The following FGF14 variants were observed in gnomAD, a reference collection of about 807,000 sequenced individuals.
FGF14 encodes the protein fibroblast growth factor homologous factor 4.
Under a neutral mutation model 25.5 loss-of-function variants are expected in FGF14, and 5 were observed. That is an observed-to-expected ratio of 0.20 (90% CI 0.10 to 0.41). The LOEUF (loss-of-function observed/expected upper bound fraction) is 0.41, where lower values mean the gene tolerates loss of function less well. FGF14 is among the 10% of genes least tolerant of loss of function. The pLI, the probability that FGF14 is intolerant of heterozygous loss-of-function variation, is 1.00. For synonymous variants in FGF14, 138 were observed against 118.3 expected, an observed-to-expected ratio of 1.17 and a Z score of -1.08; for missense variants, 222 against 320.1, an observed-to-expected ratio of 0.69 and a Z score of 2.34.
chr13:101,900,879 C>T (rs956619502), intron 1 of FGF14, among the ~76,000 whole-genome samples: 6 of 152,100 alleles, frequency 3.9e-5, no homozygotes. Flanking sequence ...AATGTAAAAA[C>T]TGCTATATTT....
intron 1 of FGF14, among the ~76,000 whole-genome samples, chr13:102,226,170 A>G (rs2050818184): frequency 6.6e-6 from 1 of 152,188 alleles, no homozygotes; most frequent in Admixed American, 6.6e-5. Flanking sequence ...GGTGGTTACA[A>G]AGGTGGGCTC....
intron 1 of FGF14, among the ~76,000 whole-genome samples, chr13:102,317,345 T>C (rs545643672): frequency 6.6e-5 from 10 of 152,112 alleles, no homozygotes; most frequent in Non-Finnish European, 1.2e-4. Flanking sequence ...GCATTCTGTA[T>C]AGTGGTAATA....
At chr13:102,330,625 G>A (rs927873761) in intron 1 of FGF14, among the ~76,000 whole-genome samples, 3 of 151,870 alleles carry the variant, frequency 2.0e-5, no homozygotes, top group South Asian at 2.1e-4. Context: ...TTTCAATCCC[G>A]CCCCACTCCC....
chr13:101,990,521 G>A (rs1279445601), intron 1 of FGF14, among the ~76,000 whole-genome samples: 3 of 151,992 alleles, frequency 2.0e-5, no homozygotes, highest in Admixed American at 6.6e-5. Context: ...ATTAACAGTT[G>A]TACTTAGTGA....
intron 1 of FGF14, among the ~76,000 whole-genome samples, chr13:101,901,630 A>G (rs1298602885): frequency 6.6e-6 from 1 of 152,062 alleles, no homozygotes; most frequent in Non-Finnish European, 1.5e-5. Context: ...CTTGAACCCC[A>G]GAAGTGGAGG....
intron 3 of FGF14, among the ~76,000 whole-genome samples, chr13:101,744,235 C>T (rs2036739889): frequency 6.6e-6 from 1 of 151,798 alleles, no homozygotes; most frequent in Non-Finnish European, 1.5e-5. Context: ...AGAGCCTGGC[C>T]ATAAATCCTT....
rs1288265674 is a variant in FGF14 at position 101,916,832 on chromosome 13, C to T, written c.-187G>A. Among the ~76,000 whole-genome samples, 1 of 152,134 alleles carries T rather than the reference C, an allele frequency of 6.6e-6. No homozygotes were observed. The highest frequency in any genetic ancestry group is 1.5e-5 in the Non-Finnish European group (1 of 67,998). On this transcript the variant is annotated 5_prime_UTR_variant, in exon 1 of 5. Transcript: ENST00000376143. ...GGGACCCATCGCCCTCTCCGCGGGG[C>T]GCGGGGCCAGGCGCGCAGATGCGCC...
Position 101,790,898 on chromosome 13 carries a change from C to T in FGF14, c.409-64088G>A, listed in dbSNP as rs543522313. 7.2e-5 allele frequency among the ~76,000 whole-genome samples: 11 copies of T among 152,184 alleles called. No individual in the cohort carries two copies. The South Asian group carries it at 2.3e-3, about 32-fold the overall frequency. ...TTCATTATATTTGTTTTTATGTGTA[C>T]CAACTATAACGTGAATTTGGTATCG... On this transcript the variant is annotated intron_variant, in intron 3 of 4. Coordinates refer to ENST00000376143, the MANE Select transcript of FGF14 (RefSeq NM_004115.4).
intron 1 of FGF14, among the ~76,000 whole-genome samples, chr13:102,058,110 A>G (rs1002026000): frequency 3.3e-5 from 5 of 152,220 alleles, no homozygotes; most frequent in East Asian, 1.9e-4. Flanking sequence ...ATGAGTCTCT[A>G]TAATCAAACA....
At chr13:102,181,814 G>A (rs1833440934) in intron 1 of FGF14, among the ~76,000 whole-genome samples, 1 of 152,112 alleles carries the variant, frequency 6.6e-6, no homozygotes, top group South Asian at 2.1e-4. Flanking sequence ...ACCATGTCAG[G>A]TAATGTATTC....
chr13:102,193,390 G>A (rs2049205112), intron 1 of FGF14, among the ~76,000 whole-genome samples: 1 of 152,102 alleles, frequency 6.6e-6, no homozygotes, highest in African/African-American at 2.4e-5. Flanking sequence ...GACATTTTGA[G>A]AACACAATAA....
At chr13:102,210,923 G>A (rs2050131146) in intron 1 of FGF14, among the ~76,000 whole-genome samples, 1 of 152,100 alleles carries the variant, frequency 6.6e-6, no homozygotes, top group Non-Finnish European at 1.5e-5. Context: ...ATGCAGTATT[G>A]TTTTTATTGT....
chr13:102,350,762 G>A (rs1419358084), intron 1 of FGF14, among the ~76,000 whole-genome samples: 2 of 152,146 alleles, frequency 1.3e-5, no homozygotes, highest in Non-Finnish European at 1.5e-5. Flanking sequence ...GACGCTATGT[G>A]GGAATAACAG....
chr13:101,912,034 G>A (rs556731163), intron 1 of FGF14, among the ~76,000 whole-genome samples: 44 of 149,268 alleles, frequency 2.9e-4, no homozygotes, highest in Middle Eastern at 3.5e-3. Context: ...ACTATTTGCT[G>A]TGGATTATTT....
chr13:102,098,764 G>A (rs1376713605), intron 1 of FGF14, among the ~76,000 whole-genome samples: 6 of 152,236 alleles, frequency 3.9e-5, no homozygotes, highest in East Asian at 1.9e-4. Context: ...TGACTAGTGC[G>A]CTTTTAGGAC....
At chr13:101,933,980 C>T (rs1459646129) in intron 1 of FGF14, among the ~76,000 whole-genome samples, 1 of 152,086 alleles carries the variant, frequency 6.6e-6, no homozygotes, top group Non-Finnish European at 1.5e-5. Context: ...CAAATTTTAA[C>T]ACAATTTCTT....
intron 3 of FGF14, among the ~76,000 whole-genome samples, chr13:101,846,383 A>G (rs557130993): frequency 1.8e-4 from 28 of 152,104 alleles, no homozygotes; most frequent in African/African-American, 6.3e-4. Flanking sequence ...GTAGCATGTC[A>G]GCATATTAAG....
chr13:102,125,970 T>C (rs370199626), intron 1 of FGF14, among the ~76,000 whole-genome samples: 1 of 152,280 alleles, frequency 6.6e-6, no homozygotes, highest in South Asian at 2.1e-4. Flanking sequence ...GATTGGATTA[T>C]TTACTTCTCA....
chr13:101,975,014 G>T (rs530642562), intron 1 of FGF14, among the ~76,000 whole-genome samples: 1 of 152,074 alleles, frequency 6.6e-6, no homozygotes, highest in Non-Finnish European at 1.5e-5. Context: ...GGGGTGGGAA[G>T]CGTAAAATAA....
Sources: gnomAD v4.1 joint callset for allele counts (sites outside exome capture counted in the v4.1 genomes callset) on GRCh38, gnomAD v4.1.1 for gene constraint, MANE v1.5 for transcripts, NCBI Gene and HGNC (gene_info 2026-07-23, HGNC 2026-07-21) for gene names.